C8orf88: variants seen among roughly 807,000 people sequenced by gnomAD.
The protein encoded by C8orf88 is chromosome 8 open reading frame 88.
C8orf88 carries 14 observed loss-of-function variants against 18.4 expected under a neutral mutation model. The ratio of observed to expected loss-of-function variants is 0.76; its 90% CI spans 0.50 to 1.19. The LOEUF is 1.19. Among genes scored for constraint, C8orf88 ranks in the 50% most tolerant of loss-of-function variants. The probability of loss-of-function intolerance (pLI) is 0.00; values close to 1 mark genes in which losing one functional copy is unlikely to be tolerated. For synonymous variants in C8orf88, 45 were observed against 42.9 expected (o/e 1.05, Z -0.19); for missense variants, 116 against 134.7 (o/e 0.86, Z 0.69).
intron 4 of C8orf88, among the ~76,000 whole-genome samples, chr8:90,962,887 C>A (rs1811148511): frequency 6.6e-6 from 1 of 151,338 alleles, no homozygotes; most frequent in African/African-American, 2.4e-5. Context: ...ATTAGGCATA[C>A]CAAAAAGTTT....
intron 4 of C8orf88, among the ~76,000 whole-genome samples, chr8:90,966,841 A>C (rs1162441084): frequency 6.6e-6 from 1 of 151,916 alleles, no homozygotes; most frequent in Non-Finnish European, 1.5e-5. Flanking sequence ...TGCATGGCTG[A>C]CTAGAAGTGG....
Position 90,978,579 on chromosome 8 carries a change from T to G in C8orf88, c.147A>C (p.Arg49Ser), listed in dbSNP as rs1368666502. ...NTQCIQSGVS[R>S]CKTNGMQAFS... is the part of the protein sequence containing the mutation. ...TTCTGTTATAATTTCTAAGACTTAC[T>G]CTGCTAACTCCACTTTGTATGCACT... Residue 49 changes from arginine to serine, a missense_variant and splice_region_variant, in exon 3 of 6, where the codon AGA becomes AGC. Physicochemically the swap from Arg to Ser is moderately radical, Grantham distance 110 (BLOSUM62 -1). Transcript: ENST00000517562. The G allele has an allele frequency of 2.0e-6, 3 of 1,516,704 alleles. No homozygotes were observed. In the South Asian group the frequency reaches 3.7e-5, roughly 19 times the overall value. The allele number at this position is 1,516,704 out of a possible 1,614,324, so 94.0% of individuals were successfully genotyped here. A position where few individuals can be genotyped will look rare whatever the true frequency, so the allele number is the denominator to read the frequency against.
chr8:90,976,396 C>T (rs1811351098), intron 3 of C8orf88, among the ~76,000 whole-genome samples: 1 of 151,974 alleles, frequency 6.6e-6, no homozygotes, highest in African/African-American at 2.4e-5. Context: ...TAATTTAATT[C>T]ATAATTTGAT....
intron 4 of C8orf88, among the ~76,000 whole-genome samples, chr8:90,967,919 T>A (rs1285454612): frequency 6.6e-6 from 1 of 151,770 alleles, no homozygotes; most frequent in Non-Finnish European, 1.5e-5. Flanking sequence ...TAAAAGAAGT[T>A]AAAGAATACC....
Position 90,971,105 on chromosome 8 carries a change from G to C in C8orf88, c.184C>G (p.Leu62Val), listed in dbSNP as rs1811274982. The stretch of plus-strand genomic sequence containing the variant: ...GACTGCTGTTGCTGTTGCTCATTAA[G>C]ACCTTGAGAAAAGGCTTGCATTCCA... ...TNGMQAFSQGLNEQQQQQSPV... is the reference protein window; with the variant it reads ...TNGMQAFSQGVNEQQQQQSPV... The change falls in exon 4 of 6, where the codon CTT becomes GTT. Residue 62 changes from leucine to valine, a missense_variant. By Grantham distance (32) the Leu-to-Val change is conservative. Coordinates refer to ENST00000517562, the MANE Select transcript of C8orf88 (RefSeq NM_001190972.2). The C allele has an allele frequency of 6.6e-7, 1 of 1,520,846 alleles. No homozygotes were observed. Among genetic ancestry groups the C allele is most frequent in the African/African-American group, 1.4e-5 (1 of 72,404 alleles). The allele number at this position is 1,520,846 out of a possible 1,614,324, so 94.2% of individuals were successfully genotyped here.
intron 5 of C8orf88, 33 bp from the exon 6 acceptor site, chr8:90,959,063 T>C (rs1434413969): frequency 9.7e-7 from 1 of 1,031,964 alleles, no homozygotes; most frequent in Non-Finnish European, 1.4e-6. Context: ...AATTTATCAA[T>C]TGATTGAATA....
chr8:90,969,210 C>A (rs1450571379), intron 4 of C8orf88, among the ~76,000 whole-genome samples: 9 of 151,738 alleles, frequency 5.9e-5, no homozygotes, highest in Admixed American at 5.9e-4. Context: ...GAAGTGAAAA[C>A]AACTCAAATG....
intron 4 of C8orf88, among the ~76,000 whole-genome samples, chr8:90,965,699 A>G (rs1186556861): frequency 6.6e-6 from 1 of 151,840 alleles, no homozygotes; most frequent in Non-Finnish European, 1.5e-5. Context: ...CTATGACCAC[A>G]CTGAAATAAA....
chr8:90,966,340 T>G (rs1394523694), intron 4 of C8orf88, among the ~76,000 whole-genome samples: 1 of 108,784 alleles, frequency 9.2e-6, no homozygotes, highest in Non-Finnish European at 1.8e-5. Context: ...ACATCACACT[T>G]TGGGGACTGT....
chr8:90,979,458 T>C (rs375625706), intron 2 of C8orf88, among the ~76,000 whole-genome samples: 54 of 152,332 alleles, frequency 3.5e-4, no homozygotes, highest in African/African-American at 1.2e-3. Flanking sequence ...AGAAGATCCA[T>C]TAATTTCATT....
chr8:90,971,486 C>T (rs968997250), intron 3 of C8orf88, among the ~76,000 whole-genome samples: 2 of 152,100 alleles, frequency 1.3e-5, no homozygotes, highest in South Asian at 4.1e-4. Flanking sequence ...GAAAACAACA[C>T]ATTTTTATTC....
At chr8:90,960,666 G>A in intron 5 of C8orf88, 76 bp downstream of exon 5, 2 of 760,796 alleles carry the variant, frequency 2.6e-6, no homozygotes, top group Non-Finnish European at 2.0e-6. Context: ...AAATCTAGAG[G>A]TAGAGTCTGA....
intron 1 of C8orf88, among the ~76,000 whole-genome samples, chr8:90,982,798 C>T (rs1459094287): frequency 6.6e-6 from 1 of 151,918 alleles, no homozygotes; most frequent in Non-Finnish European, 1.5e-5. Context: ...TGCAGGGAAA[C>T]ACTGACATTA....
At chr8:90,960,395 G>A (rs923340698) in intron 5 of C8orf88, among the ~76,000 whole-genome samples, 20 of 151,322 alleles carry the variant, frequency 1.3e-4, no homozygotes, top group Non-Finnish European at 2.8e-4. Context: ...GGATATCTAT[G>A]TAGAAAAAGG....
rs1811083432 is a variant in C8orf88 at position 90,958,981 on chromosome 8, A to G, written c.*26T>C. 2.9e-6 allele frequency: 4 copies of G among 1,391,170 alleles called. No homozygotes were observed. The highest frequency in any genetic ancestry group is 3.9e-6 in the Non-Finnish European group (4 of 1,033,868). The allele number at this position is 1,391,170 out of a possible 1,614,324, so 86.2% of individuals were successfully genotyped here. A position where few individuals can be genotyped will look rare whatever the true frequency, so the allele number is the denominator to read the frequency against. On this transcript the variant is annotated 3_prime_UTR_variant, in exon 6 of 6. Transcript: ENST00000517562. ...ATCCACCTCATTTGCAGATGTCCAA[A>G]CTTAAATTCATCTGTTCTTAAAATG... is the stretch of plus-strand genomic sequence containing the variant.
At chr8:90,974,665 A>C (rs1244196615) in intron 3 of C8orf88, among the ~76,000 whole-genome samples, 1 of 152,240 alleles carries the variant, frequency 6.6e-6, no homozygotes, top group Non-Finnish European at 1.5e-5. Context: ...TTCATAAAGA[A>C]AGATAATACC....
intron 4 of C8orf88, among the ~76,000 whole-genome samples, chr8:90,961,653 C>T (rs1359754731): frequency 6.6e-6 from 1 of 151,266 alleles, no homozygotes; most frequent in Non-Finnish European, 1.5e-5. Context: ...GGAAACTTTA[C>T]TGTTCAGAAA....
intron 4 of C8orf88, 84 bp from the exon 5 acceptor site, chr8:90,960,932 C>T (rs563183081): frequency 6.0e-6 from 4 of 671,654 alleles, no homozygotes; most frequent in African/African-American, 5.5e-5. Flanking sequence ...TCTGGATGTC[C>T]TCTATTCATT....
intron 3 of C8orf88, 43 bp from the exon 4 acceptor site, chr8:90,971,184 A>T: frequency 8.5e-7 from 1 of 1,174,814 alleles, no homozygotes; most frequent in Non-Finnish European, 1.1e-6. Context: ...TCAGGTTTTA[A>T]AATTTTATAT....
Sources: allele counts gnomAD v4.1 joint callset (sites outside exome capture counted in the v4.1 genomes callset), GRCh38; gene constraint gnomAD v4.1.1; transcripts MANE v1.5; gene names NCBI Gene and HGNC (gene_info 2026-07-23, HGNC 2026-07-21).